Variants in MARCHF11 observed in about 807,000 individuals in gnomAD.
MARCHF11 encodes E3 ubiquitin-protein ligase MARCHF11.
MARCHF11 carries 29 observed loss-of-function variants against 37.3 expected under a neutral mutation model. The ratio of observed to expected loss-of-function variants is 0.78; its 90% CI spans 0.58 to 1.06. The LOEUF (loss-of-function observed/expected upper bound fraction) is 1.06, where lower values mean the gene tolerates loss of function less well. Ranked by LOEUF, MARCHF11 falls within the 50% of genes least tolerant of loss-of-function variation. MARCHF11 has a pLI of 0.00. For missense variants in MARCHF11, 482 were observed against 533.4 expected (o/e 0.90, Z 0.95); for synonymous variants, 233 against 228.0 (o/e 1.02, Z -0.20).
intron 3 of MARCHF11, among the ~76,000 whole-genome samples, chr5:16,074,516 C>T (rs11954167): frequency 0.027 from 4,129 of 152,190 alleles, 169 homozygotes; most frequent in African/African-American, 0.094. Flanking sequence ...TTAACCAAGA[C>T]ATGTTGGTTT....
At chr5:16,094,469 T>C (rs1736833233) in intron 2 of MARCHF11, among the ~76,000 whole-genome samples, 1 of 152,192 alleles carries the variant, frequency 6.6e-6, no homozygotes, top group Non-Finnish European at 1.5e-5. Flanking sequence ...GTGAAATATT[T>C]CACTGTCTCC....
At chr5:16,121,763 T>G (rs901829567) in intron 2 of MARCHF11, among the ~76,000 whole-genome samples, 1 of 152,174 alleles carries the variant, frequency 6.6e-6, no homozygotes, top group Non-Finnish European at 1.5e-5. Flanking sequence ...TCAAAGCTAA[T>G]GTGTTTATGC....
intron 2 of MARCHF11, among the ~76,000 whole-genome samples, chr5:16,128,092 C>T (rs1318922821): frequency 6.6e-6 from 1 of 152,204 alleles, no homozygotes; most frequent in Non-Finnish European, 1.5e-5. Flanking sequence ...TCTAACCCTA[C>T]TCATACCACC....
rs1030870033 is a variant in MARCHF11, at chr5:16,085,727, T to A, written c.886+5162A>T. On this transcript the variant is annotated intron_variant, in intron 3 of 3. Coordinates refer to ENST00000332432, the MANE Select transcript of MARCHF11 (RefSeq NM_001102562.3). ...CAGCACTTTGGGAGGCCAAGGTGGG[T>A]GGATCACGAGGTCAGGAGATCGAGA... Among the ~76,000 whole-genome samples the A allele has an allele frequency of 6.6e-5, 10 of 151,744 alleles. No homozygotes were observed. In the East Asian group the frequency reaches 1.8e-3, roughly 27 times the overall value.
intron 2 of MARCHF11, among the ~76,000 whole-genome samples, chr5:16,143,285 G>A (rs899067589): frequency 5.3e-5 from 8 of 152,136 alleles, no homozygotes; most frequent in African/African-American, 1.9e-4. Flanking sequence ...AGGCAGAGTC[G>A]TGTGGGAAAG....
intron 2 of MARCHF11, among the ~76,000 whole-genome samples, chr5:16,125,619 CTGTGTGTGTGTGTG>C (rs34769733): frequency 0.04 from 5,645 of 142,172 alleles, 157 homozygotes; most frequent in African/African-American, 0.079. Context: ...GGCACACTCT[CTGTGTGTGTGTGTG>C]TGTGTGTGTG....
At chr5:16,120,307 A>G (rs959604434) in intron 2 of MARCHF11, among the ~76,000 whole-genome samples, 2 of 152,188 alleles carry the variant, frequency 1.3e-5, no homozygotes, top group Non-Finnish European at 1.5e-5. Flanking sequence ...AGGGCAGTCA[A>G]TGCATGCCTG....
intron 2 of MARCHF11, among the ~76,000 whole-genome samples, chr5:16,115,858 C>T (rs1218421222): frequency 6.6e-6 from 1 of 152,094 alleles, no homozygotes; most frequent in Non-Finnish European, 1.5e-5. Flanking sequence ...AACTCCTGAC[C>T]TCAGGTGATC....
At position 16,150,594 on chromosome 5, in the gene MARCHF11, G is replaced by A. The variant is rs964693311; in HGVS notation, c.693+27132C>T. Among the ~76,000 whole-genome samples the A allele has an allele frequency of 2.2e-5, 3 of 137,502 alleles. 1 individual carries two copies. Among genetic ancestry groups the A allele is most frequent in the African/African-American group, 1.1e-4 (3 of 28,444 alleles). The allele number at this position is 137,502 out of a possible 152,430, so 90.2% of individuals were successfully genotyped here. On this transcript the variant is annotated intron_variant, in intron 2 of 3. Transcript: ENST00000332432. ...ATGGTCAGGTCTGCGGTACATTCAT[G>A]GTTTTTATCCGGTATTAGTTACTCT...
Position 16,127,888 on chromosome 5 carries a change from C to T in MARCHF11, c.694-36807G>A, listed in dbSNP as rs545978513. Among the ~76,000 whole-genome samples the T allele has an allele frequency of 5.9e-5, 9 of 152,276 alleles. No individual in the cohort carries two copies. In the South Asian group the frequency reaches 1.2e-3, roughly 21 times the overall value. ...ATGGAGAAGATTTTAGACTATCACACGGAGGAAGTGGAGTGAAGTCAGGGT... is the reference window on the plus strand; with the variant it reads ...ATGGAGAAGATTTTAGACTATCACATGGAGGAAGTGGAGTGAAGTCAGGGT... On this transcript the variant is annotated intron_variant, in intron 2 of 3. Transcript: ENST00000332432.
intron 3 of MARCHF11, among the ~76,000 whole-genome samples, chr5:16,084,014 CA>C (rs1484309045): frequency 6.6e-6 from 1 of 152,064 alleles, no homozygotes; most frequent in Non-Finnish European, 1.5e-5. Context: ...TCATACAACA[CA>C]GAGTTAGTAA....
intron 3 of MARCHF11, among the ~76,000 whole-genome samples, chr5:16,087,441 G>C (rs1736717431): frequency 6.6e-6 from 1 of 152,280 alleles, no homozygotes; most frequent in South Asian, 2.1e-4. Context: ...TGTTATTCAA[G>C]CTCTTATACA....
intron 2 of MARCHF11, among the ~76,000 whole-genome samples, chr5:16,162,598 T>C (rs1033697670): frequency 6.6e-6 from 1 of 152,012 alleles, no homozygotes; most frequent in African/African-American, 2.4e-5. Flanking sequence ...TTTCTTATGA[T>C]TAGTTCTTTT....
At chr5:16,094,871 CT>C (rs1736840435) in intron 2 of MARCHF11, among the ~76,000 whole-genome samples, 1 of 152,072 alleles carries the variant, frequency 6.6e-6, no homozygotes, top group Non-Finnish European at 1.5e-5. Context: ...AGGCACTTTT[CT>C]AAGAGGTTAT....
At chr5:16,122,926 A>C (rs1348625952) in intron 2 of MARCHF11, among the ~76,000 whole-genome samples, 2 of 152,194 alleles carry the variant, frequency 1.3e-5, no homozygotes, top group Non-Finnish European at 2.9e-5. Flanking sequence ...GGATTATACT[A>C]TGTTAGTTTC....
chr5:16,093,297 T>C (rs1019390373), intron 2 of MARCHF11, among the ~76,000 whole-genome samples: 1 of 152,172 alleles, frequency 6.6e-6, no homozygotes, highest in Non-Finnish European at 1.5e-5. Context: ...AAGTCTATGA[T>C]GTAATCTTAG....
intron 2 of MARCHF11, among the ~76,000 whole-genome samples, chr5:16,126,213 G>A (rs1737403531): frequency 6.6e-6 from 1 of 152,106 alleles, no homozygotes; most frequent in Non-Finnish European, 1.5e-5. Flanking sequence ...GTTTTAAGCT[G>A]GGGTAGTGAG....
chr5:16,089,254 A>G (rs987381413), intron 3 of MARCHF11, among the ~76,000 whole-genome samples: 1 of 152,078 alleles, frequency 6.6e-6, no homozygotes, highest in Non-Finnish European at 1.5e-5. Flanking sequence ...ATATCAATGG[A>G]ACACCTCATT....
At chr5:16,103,217 T>A (rs1472914245) in intron 2 of MARCHF11, among the ~76,000 whole-genome samples, 1 of 152,066 alleles carries the variant, frequency 6.6e-6, no homozygotes, top group African/African-American at 2.4e-5. Context: ...AGAAACTGCA[T>A]CTGCTGTGGT....
Sources: allele counts gnomAD v4.1 joint callset (sites outside exome capture counted in the v4.1 genomes callset), GRCh38; gene constraint gnomAD v4.1.1; transcripts MANE v1.5; gene names NCBI Gene and HGNC (gene_info 2026-07-23, HGNC 2026-07-21).